Variants in RANBP17 observed in about 807,000 individuals in gnomAD.
RANBP17 encodes the protein ran-binding protein 17.
In RANBP17, 158 loss-of-function variants were observed where a neutral mutation model predicts 141.2. The ratio of observed to expected loss-of-function variants is 1.12; its 90% CI spans 0.98 to 1.28. The LOEUF is 1.28. Among genes scored for constraint, RANBP17 ranks in the 50% most tolerant of loss-of-function variants. The pLI is 0.00. For synonymous variants in RANBP17, 430 were observed against 450.0 expected (o/e 0.96, Z 0.56); for missense variants, 1,438 against 1,290.7 (o/e 1.11, Z -1.75).
At chr5:171,295,799 A>T in intron 26 of RANBP17, 88 bp from the exon 27 acceptor site, 1 of 1,425,080 alleles carries the variant, frequency 7.0e-7, no homozygotes, top group Non-Finnish European at 9.7e-7. Context: ...AGCCCTGAGT[A>T]GATGAGAGCT....
chr5:171,006,614 A>AG (rs1213398629), intron 14 of RANBP17, among the ~76,000 whole-genome samples: 2 of 151,988 alleles, frequency 1.3e-5, no homozygotes, highest in African/African-American at 2.4e-5. Context: ...GGGAAGCGGG[A>AG]GGGATAGTAT....
At chr5:171,150,514 A>G (rs1256197361) in intron 14 of RANBP17, among the ~76,000 whole-genome samples, 1 of 152,042 alleles carries the variant, frequency 6.6e-6, no homozygotes, top group Non-Finnish European at 1.5e-5. Flanking sequence ...TGCAAGTGAT[A>G]TTCTCAATAA....
intron 14 of RANBP17, among the ~76,000 whole-genome samples, chr5:171,101,274 G>A (rs1412227216): frequency 1.3e-5 from 2 of 152,046 alleles, no homozygotes; most frequent in South Asian, 2.1e-4. Context: ...TATGAATCTG[G>A]GTGCTCCTGT....
chr5:171,244,199 T>A (rs966124307), intron 24 of RANBP17, among the ~76,000 whole-genome samples: 2 of 151,350 alleles, frequency 1.3e-5, no homozygotes, highest in Non-Finnish European at 2.9e-5. Flanking sequence ...CAAGCCTAGG[T>A]TGGCCAACAT....
chr5:170,887,220 C>T (rs909722169), intron 3 of RANBP17, among the ~76,000 whole-genome samples: 3 of 152,098 alleles, frequency 2.0e-5, no homozygotes, highest in African/African-American at 7.2e-5. Flanking sequence ...CAAATATTTT[C>T]TCCCGATCTG....
intron 14 of RANBP17, among the ~76,000 whole-genome samples, chr5:171,046,637 A>G (rs1171340700): frequency 6.6e-6 from 1 of 152,192 alleles, no homozygotes; most frequent in East Asian, 1.9e-4. Flanking sequence ...ATGCTTATAC[A>G]GCATATGATA....
chr5:171,125,334 A>G (rs965700344), intron 14 of RANBP17, among the ~76,000 whole-genome samples: 31 of 151,092 alleles, frequency 2.1e-4, no homozygotes, highest in African/African-American at 7.3e-4. Flanking sequence ...AGGGATGGAA[A>G]AAGATATTCC....
intron 14 of RANBP17, among the ~76,000 whole-genome samples, chr5:171,025,212 C>T (rs1361670275): frequency 6.6e-6 from 1 of 152,150 alleles, no homozygotes; most frequent in African/African-American, 2.4e-5. Context: ...CATATCCATT[C>T]TCAAAGTGGT....
At chr5:170,882,691 T>G (rs185789616) in intron 3 of RANBP17, among the ~76,000 whole-genome samples, 3 of 152,348 alleles carry the variant, frequency 2.0e-5, no homozygotes, top group African/African-American at 7.2e-5. Flanking sequence ...TATATCAAAA[T>G]CATTTGGGGT....
intron 14 of RANBP17, among the ~76,000 whole-genome samples, chr5:170,990,385 T>C (rs1300327740): frequency 6.6e-6 from 1 of 151,866 alleles, no homozygotes; most frequent in Non-Finnish European, 1.5e-5. Flanking sequence ...AATATAAACT[T>C]TAGTAGTGTG....
At chr5:170,925,242 C>T (rs1227172438) in intron 12 of RANBP17, among the ~76,000 whole-genome samples, 1 of 152,080 alleles carries the variant, frequency 6.6e-6, no homozygotes, top group South Asian at 2.1e-4. Flanking sequence ...AGTGATTTCC[C>T]ATTTTAACTT....
intron 25 of RANBP17, among the ~76,000 whole-genome samples, chr5:171,292,418 C>A (rs1480258610): frequency 1.3e-5 from 2 of 152,162 alleles, no homozygotes; most frequent in African/African-American, 4.8e-5. Context: ...CTTCCTTGTG[C>A]TGGATTATTA....
chr5:171,170,503 T>TC (rs1561727552), intron 15 of RANBP17, among the ~76,000 whole-genome samples: 1 of 152,002 alleles, frequency 6.6e-6, no homozygotes, highest in Non-Finnish European at 1.5e-5. Context: ...GCATTTTTTT[T>TC]TATTTAAAAA....
chr5:171,227,135 C>T (rs1406151620), intron 22 of RANBP17, among the ~76,000 whole-genome samples: 2 of 152,296 alleles, frequency 1.3e-5, no homozygotes, highest in Middle Eastern at 3.4e-3. Flanking sequence ...ACATGTCTCA[C>T]TTTAAATCAA....
intron 14 of RANBP17, among the ~76,000 whole-genome samples, chr5:170,972,066 A>C (rs181638435): frequency 6.6e-6 from 1 of 151,498 alleles, no homozygotes. Context: ...TAAATTTAGT[A>C]TTATTCTCAT....
intron 12 of RANBP17, among the ~76,000 whole-genome samples, chr5:170,937,764 G>A (rs1773997339): frequency 6.6e-6 from 1 of 152,098 alleles, no homozygotes; most frequent in South Asian, 2.1e-4. Context: ...TCAGATTTGT[G>A]TTCTGTGTGC....
chr5:170,951,007 C>A (rs371171748), intron 12 of RANBP17, among the ~76,000 whole-genome samples: 7 of 151,702 alleles, frequency 4.6e-5, no homozygotes, highest in African/African-American at 1.7e-4. Context: ...ATATGTGGGA[C>A]CTAAAAAATT....
At chr5:170,970,178 C>A (rs1383458422) in intron 14 of RANBP17, among the ~76,000 whole-genome samples, 1 of 151,608 alleles carries the variant, frequency 6.6e-6, no homozygotes, top group Non-Finnish European at 1.5e-5. Context: ...ACTATATATA[C>A]AATTTTTTTA....
chr5:170,862,160 G>A lies in RANBP17; in HGVS notation c.18+109G>A, dbSNP rs999110262. 4.2e-6 allele frequency: 5 copies of A among 1,185,984 alleles called. No individual in the cohort carries two copies. The Admixed American group carries it at 1.2e-4, about 30-fold the overall frequency. The allele number at this position is 1,185,984 out of a possible 1,614,324, so 73.5% of individuals were successfully genotyped here. On this transcript the variant is annotated intron_variant, in intron 1 of 27. Transcript: ENST00000523189. ...AGCGGCGGAGGCCGCAGGGCCGTGG[G>A]CCGGTGTCCCCGGAGTCCCAGCCCC...
Sources: gnomAD v4.1 joint callset for allele counts (sites outside exome capture counted in the v4.1 genomes callset) on GRCh38, gnomAD v4.1.1 for gene constraint, MANE v1.5 for transcripts, NCBI Gene and HGNC (gene_info 2026-07-23, HGNC 2026-07-21) for gene names.